Variants in PAFAH1B1 observed in about 807,000 individuals in gnomAD.
PAFAH1B1 encodes the protein platelet activating factor acetylhydrolase 1b regulatory subunit 1.
A neutral mutation model predicts 57.5 loss-of-function variants in PAFAH1B1; 2 were observed. The observed-to-expected ratio is 0.03, with a 90% confidence interval of 0.01 to 0.11. The LOEUF (loss-of-function observed/expected upper bound fraction) is 0.11, where lower values mean the gene tolerates loss of function less well. Ranked by LOEUF, PAFAH1B1 falls within the 10% of genes least tolerant of loss-of-function variation. The pLI is 1.00. For synonymous variants in PAFAH1B1, 152 were observed against 169.6 expected, an observed-to-expected ratio of 0.90 and a Z score of 0.81; for missense variants, 257 against 512.0, an observed-to-expected ratio of 0.50 and a Z score of 4.81.
At chr17:2,658,105 T>C (rs1050230643) in intron 2 of PAFAH1B1, among the ~76,000 whole-genome samples, 7 of 152,184 alleles carry the variant, frequency 4.6e-5, no homozygotes, top group Non-Finnish European at 1.0e-4. Flanking sequence ...AATCTCCTCC[T>C]CTCTGGAAAC....
chr17:2,605,294 A>G (rs147126365), intron 1 of PAFAH1B1, among the ~76,000 whole-genome samples: 13 of 152,206 alleles, frequency 8.5e-5, no homozygotes, highest in African/African-American at 1.2e-4. Flanking sequence ...ACGAGGTGTT[A>G]TTAGCCATAG....
At chr17:2,663,371 G>C (rs981874326) in intron 2 of PAFAH1B1, among the ~76,000 whole-genome samples, 3 of 152,128 alleles carry the variant, frequency 2.0e-5, no homozygotes, top group Admixed American at 6.6e-5. Context: ...CAAGAGTTTT[G>C]TGGGTTTTTG....
chr17:2,652,020 A>G (rs978940373), intron 2 of PAFAH1B1, among the ~76,000 whole-genome samples: 2 of 152,040 alleles, frequency 1.3e-5, no homozygotes, highest in Non-Finnish European at 2.9e-5. Flanking sequence ...AACCCCTCAT[A>G]TTTTTACTGT....
intron 1 of PAFAH1B1, among the ~76,000 whole-genome samples, chr17:2,599,265 T>C (rs959050916): frequency 1.3e-5 from 2 of 152,234 alleles, no homozygotes; most frequent in Non-Finnish European, 2.9e-5. Context: ...TGTCGAATGT[T>C]AGGTTAGTGA....
At position 2,617,046 on chromosome 17, in the gene PAFAH1B1, C is replaced by T. The variant is rs2068352841; in HGVS notation, c.-190-21053C>T. Among the ~76,000 whole-genome samples, 3 of 152,090 alleles carry T rather than the reference C, an allele frequency of 2.0e-5. No homozygotes were observed. In the South Asian group the frequency reaches 6.2e-4, roughly 32 times the overall value. On this transcript the variant is annotated intron_variant, in intron 1 of 10. Coordinates refer to ENST00000397195, the MANE Select transcript of PAFAH1B1 (RefSeq NM_000430.4). ...CGAGATCGCACCACTGCACTCCAGC[C>T]TGGGCGACAGAACGAGACTCCGTCT... is the stretch of plus-strand genomic sequence containing the variant.
At chr17:2,664,145 C>T (rs2151657730) in intron 2 of PAFAH1B1, among the ~76,000 whole-genome samples, 1 of 152,338 alleles carries the variant, frequency 6.6e-6, no homozygotes, top group African/African-American at 2.4e-5. Context: ...AAAGTTTTTG[C>T]TGGTAATTCC....
intron 9 of PAFAH1B1, chr17:2,679,899 A>T: frequency 2.2e-6 from 1 of 463,680 alleles, no homozygotes; most frequent in Non-Finnish European, 3.9e-6. Context: ...GATAGACTAC[A>T]TATTGAGATT....
intron 1 of PAFAH1B1, among the ~76,000 whole-genome samples, chr17:2,632,278 C>A (rs932595436): frequency 1.3e-5 from 2 of 152,188 alleles, no homozygotes; most frequent in Non-Finnish European, 2.9e-5. Context: ...ATACTGTTAT[C>A]ACTTCAAAAA....
At chr17:2,607,043 C>T (rs544885247) in intron 1 of PAFAH1B1, among the ~76,000 whole-genome samples, 5 of 151,944 alleles carry the variant, frequency 3.3e-5, no homozygotes, top group East Asian at 3.9e-4. Context: ...CTAGGATGGT[C>T]TCGATTTCCT....
intron 1 of PAFAH1B1, among the ~76,000 whole-genome samples, chr17:2,599,087 T>C (rs2068112943): frequency 6.6e-6 from 1 of 152,242 alleles, no homozygotes; most frequent in Admixed American, 6.5e-5. Flanking sequence ...AGGATACTTC[T>C]GGAATGGTAC....
intron 5 of PAFAH1B1, 135 bp downstream of exon 5, chr17:2,667,333 CAAA>C: frequency 4.2e-6 from 2 of 475,084 alleles, no homozygotes; most frequent in Non-Finnish European, 7.4e-6. Flanking sequence ...CACTCTGTCT[CAAA>C]AAAAAAAAGC....
At chr17:2,664,510 ATTC>A (rs1458247403) in intron 2 of PAFAH1B1, among the ~76,000 whole-genome samples, 1 of 151,868 alleles carries the variant, frequency 6.6e-6, no homozygotes, top group Non-Finnish European at 1.5e-5. Context: ...GGTTCAAGCA[ATTC>A]TTCTGCCTTG....
intron 1 of PAFAH1B1, among the ~76,000 whole-genome samples, chr17:2,619,325 A>C (rs2068388999): frequency 6.6e-6 from 1 of 151,886 alleles, no homozygotes; most frequent in South Asian, 2.1e-4. Context: ...CGGCTAATTA[A>C]AAAAAATTAT....
At chr17:2,676,293 G>A (rs567787328) in intron 8 of PAFAH1B1, 18 of 487,256 alleles carry the variant, frequency 3.7e-5, no homozygotes, top group African/African-American at 2.0e-4. Context: ...CAGGAGATTC[G>A]CTTGAACCCG....
chr17:2,623,261 CTTTTTTTTTTTTTT>C lies in PAFAH1B1; in HGVS notation c.-190-14829_-190-14816del, dbSNP rs376810275. On this transcript the variant is annotated intron_variant, in intron 1 of 10. Coordinates refer to ENST00000397195, the MANE Select transcript of PAFAH1B1 (RefSeq NM_000430.4). ...TCCCCAGAAAATGGGTTTTTCCTTTCTTTTTTTTTTTTTTTTTTTTTTCCCTGAGAGGGAGTCTC... is the reference window on the plus strand; with the variant it reads ...TCCCCAGAAAATGGGTTTTTCCTTTCTTTTTTTTCCCTGAGAGGGAGTCTC... Among the ~76,000 whole-genome samples the C allele has an allele frequency of 4.6e-4, 48 of 103,970 alleles. 1 individual carries two copies. Among genetic ancestry groups the C allele is most frequent in the African/African-American group, 1.7e-3 (45 of 25,856 alleles). The allele number at this position is 103,970 out of a possible 152,430, so 68.2% of individuals were successfully genotyped here.
chr17:2,679,465 GATGGATGGATGA>G, intron 9 of PAFAH1B1, among the ~76,000 whole-genome samples: 2 of 4,536 alleles, frequency 4.4e-4, no homozygotes, highest in Admixed American at 7.3e-3. Flanking sequence ...TGATTGGATG[GATGGATGGATGA>G]TTGGATGGAT....
rs1461126663 is a variant in PAFAH1B1 at position 2,593,833 on chromosome 17, G to C, written c.-364G>C. 7.9e-6 allele frequency: 3 copies of C among 379,652 alleles called. No individual in the cohort carries two copies. Among genetic ancestry groups the C allele is most frequent in the Non-Finnish European group, 1.4e-5 (3 of 214,470 alleles). 23.5% of individuals were successfully genotyped at this position (379,652 alleles called of 1,614,324 possible). On this transcript the variant is annotated 5_prime_UTR_variant, in exon 1 of 11. Coordinates refer to ENST00000397195, the MANE Select transcript of PAFAH1B1 (RefSeq NM_000430.4). Reference sequence around the variant, plus strand: ...GGACTCGAGCCCCGGAACGGCTGAGGAGCCCGCCCGCTCCCCTCCCCTCCC... The same window carrying C: ...GGACTCGAGCCCCGGAACGGCTGAGCAGCCCGCCCGCTCCCCTCCCCTCCC...
chr17:2,647,474 T>C (rs937693540), intron 2 of PAFAH1B1, among the ~76,000 whole-genome samples: 1 of 152,072 alleles, frequency 6.6e-6, no homozygotes, highest in African/African-American at 2.4e-5. Flanking sequence ...GAGGCAGAGA[T>C]TGCAGTGAGC....
At chr17:2,622,826 T>A (rs1325663553) in intron 1 of PAFAH1B1, among the ~76,000 whole-genome samples, 1 of 152,190 alleles carries the variant, frequency 6.6e-6, no homozygotes, top group Non-Finnish European at 1.5e-5. Context: ...GCAGCAAACT[T>A]TTGCCTGGGC....
Sources: allele counts gnomAD v4.1 joint callset (sites outside exome capture counted in the v4.1 genomes callset), GRCh38; gene constraint gnomAD v4.1.1; transcripts MANE v1.5; gene names NCBI Gene and HGNC (gene_info 2026-07-23, HGNC 2026-07-21).